The following RASA3 variants were observed in gnomAD, a reference collection of about 807,000 sequenced individuals.
The protein encoded by RASA3 is RAS p21 protein activator 3.
Under a neutral mutation model 110.0 loss-of-function variants are expected in RASA3, and 73 were observed. The observed-to-expected ratio is 0.66, with a 90% CI of 0.55 to 0.81. The LOEUF is 0.81. Ranked by LOEUF, RASA3 falls within the 30% of genes least tolerant of loss-of-function variation. The pLI is 0.00. For synonymous variants in RASA3, 500 were observed against 451.4 expected, an observed-to-expected ratio of 1.11 and a Z score of -1.37; for missense variants, 976 against 1,113.2, an observed-to-expected ratio of 0.88 and a Z score of 1.75.
In RASA3 at chr13:114,014,160, C is replaced by T. The variant is rs1458543447; in HGVS notation, c.1406-912G>A. Among the ~76,000 whole-genome samples the T allele has an allele frequency of 6.6e-6, 1 of 152,164 alleles. No individual in the cohort carries two copies. Among genetic ancestry groups the T allele is most frequent in the Admixed American group, 6.6e-5 (1 of 15,262 alleles). On this transcript the variant is annotated intron_variant, in intron 14 of 23. Transcript: ENST00000334062. This position sits in a 1 kb window ranked among gnomAD's most constrained non-coding sequence, Gnocchi z 4.5. ...TGTCTCTCTCCTTCTGTCTCTGCCTCTCTCTCCATCTCTCCCTGTTTCTCT... is the reference window on the plus strand; with the variant it reads ...TGTCTCTCTCCTTCTGTCTCTGCCTTTCTCTCCATCTCTCCCTGTTTCTCT...
intron 16 of RASA3, 23 bp from the exon 17 acceptor site, chr13:114,009,487 C>A: frequency 6.6e-7 from 1 of 1,526,578 alleles, no homozygotes. Flanking sequence ...GGAGATCACT[C>A]GAGGACAGCC....
intron 1 of RASA3, among the ~76,000 whole-genome samples, chr13:114,119,865 GC>G (rs1264883284): frequency 3.2e-5 from 2 of 63,018 alleles, no homozygotes; most frequent in Non-Finnish European, 3.4e-5. Flanking sequence ...GTCGATCAGG[GC>G]CCCTCCCTCT....
At chr13:114,103,155 A>G (rs2080081518) in intron 1 of RASA3, among the ~76,000 whole-genome samples, 1 of 152,176 alleles carries the variant, frequency 6.6e-6, no homozygotes, top group African/African-American at 2.4e-5. Context: ...AGCCAGGTGC[A>G]CTGGCTCTGT....
chr13:114,060,452 G>A (rs2079319472), intron 2 of RASA3, among the ~76,000 whole-genome samples: 1 of 152,218 alleles, frequency 6.6e-6, no homozygotes, highest in African/African-American at 2.4e-5. Context: ...GCCTCCACAG[G>A]TGGGGCTTTC....
intron 14 of RASA3, among the ~76,000 whole-genome samples, chr13:114,013,525 T>C (rs2053693209): frequency 7.3e-6 from 1 of 136,658 alleles, no homozygotes; most frequent in African/African-American, 2.8e-5. Context: ...CTCTCTCTCA[T>C]CTCTCTGTCT....
chr13:114,017,970 C>T lies in RASA3; in HGVS notation c.1091+134G>A, dbSNP rs554925691. On this transcript the variant is annotated intron_variant, in intron 11 of 23. Transcript: ENST00000334062. ...ATTAACTGGGTCTGTGAAAGAAAAC[C>T]TGAATCAACATGGTTTCTGGGGACC... is the stretch of plus-strand genomic sequence containing the variant. 254 of 1,075,752 alleles carry T rather than the reference C, an allele frequency of 2.4e-4. 4 individuals carry two copies. In the South Asian group the frequency reaches 5.1e-3, roughly 22 times the overall value. 66.6% of individuals were successfully genotyped at this position (1,075,752 alleles called of 1,614,324 possible). A position where few individuals can be genotyped will look rare whatever the true frequency, so the allele number is the denominator to read the frequency against.
chr13:114,115,334 C>T lies in RASA3; in HGVS notation c.55+17101G>A, dbSNP rs2080262763. ...ATAGATGAACACCCCACCTTGGTGACACAGAGGCTGGACAGTCACACCGAC... is the reference window on the plus strand; with the variant it reads ...ATAGATGAACACCCCACCTTGGTGATACAGAGGCTGGACAGTCACACCGAC... On this transcript the variant is annotated intron_variant, in intron 1 of 23. Transcript: ENST00000334062. The surrounding 1 kb of genome is among the most constrained non-coding windows in gnomAD (Gnocchi z 5.0). Among the ~76,000 whole-genome samples the T allele has an allele frequency of 1.3e-5, 2 of 152,200 alleles. No individual in the cohort carries two copies. Among genetic ancestry groups the T allele is most frequent in the Admixed American group, 6.5e-5 (1 of 15,282 alleles).
chr13:114,034,628 G>T (rs187921652), intron 4 of RASA3, among the ~76,000 whole-genome samples: 1 of 152,270 alleles, frequency 6.6e-6, no homozygotes, highest in African/African-American at 2.4e-5. Context: ...CCCCTGGAAG[G>T]CCCTTTCTCC....
chr13:114,042,607 C>T (rs558715985), intron 3 of RASA3, among the ~76,000 whole-genome samples: 9 of 152,356 alleles, frequency 5.9e-5, no homozygotes, highest in Admixed American at 1.3e-4. Context: ...CCTGGGCTCC[C>T]GGGAGCGGCC....
intron 3 of RASA3, among the ~76,000 whole-genome samples, chr13:114,051,274 C>T (rs914756331): frequency 7.2e-5 from 11 of 152,194 alleles, no homozygotes; most frequent in Admixed American, 3.3e-4. Context: ...ACTGGCTCCC[C>T]GGCCGCCCGT....
chr13:113,982,556 T>C (rs1343609334), intron 22 of RASA3, among the ~76,000 whole-genome samples: 1 of 152,242 alleles, frequency 6.6e-6, no homozygotes, highest in Non-Finnish European at 1.5e-5. Context: ...CTGTGCCACC[T>C]GAGTCCAAAC....
At chr13:113,992,619 A>G (rs2053145665) in intron 21 of RASA3, 31 bp from the exon 22 acceptor site, 1 of 1,494,426 alleles carries the variant, frequency 6.7e-7, no homozygotes, top group Non-Finnish European at 9.3e-7. Context: ...CAGAAAGATA[A>G]AAACACTTAT....
At position 113,996,588 on chromosome 13, in the gene RASA3, T is replaced by C. The variant is rs777279775; in HGVS notation, c.2084A>G (p.His695Arg). The C allele has an allele frequency of 5.6e-6, 9 of 1,613,434 alleles. No individual in the cohort carries two copies. The African/African-American group carries it at 9.3e-5, about 17-fold the overall frequency. The part of the protein sequence containing the change: ...VYHPSAYLSG[H>R]WLCCRAPSDS... ...GGATGGCGCCCTACAGCACAGCCAG[T>C]GGCCGCTCAGGTAGGCGGACGGGTG... Residue 695 changes from histidine to arginine, a missense_variant, in exon 21 of 24, where the codon CAC becomes CGC. By Grantham distance (29) the His-to-Arg change is conservative. Transcript: ENST00000334062.
intron 1 of RASA3, among the ~76,000 whole-genome samples, chr13:114,111,110 G>C (rs868571265): frequency 1.8e-4 from 7 of 38,708 alleles, no homozygotes; most frequent in Middle Eastern, 0.017. Flanking sequence ...GAGCCACAAA[G>C]AGCTGCAGGC....
rs774935805 is a variant in RASA3, at chr13:114,009,448, G to A, written c.1607C>T (p.Ser536Phe). The A allele has an allele frequency of 6.2e-7, 1 of 1,611,400 alleles. No homozygotes were observed. The highest frequency in any genetic ancestry group is 1.3e-5 in the African/African-American group (1 of 75,022). The change falls in exon 17 of 24, where the codon TCC becomes TTC. Residue 536 changes from serine (S) to phenylalanine (F), a missense_variant. Physicochemically the swap from Ser to Phe is radical, Grantham distance 155 (BLOSUM62 -2). Coordinates refer to ENST00000334062, the MANE Select transcript of RASA3 (RefSeq NM_007368.4). ...GAATTCATAAAATGTAGCCATGTAG[G>A]ACTCCTTAAAACTCGCCTAAAATGA... ...SKSKSASFKE[S>F]YMATFYEFFN...
At chr13:114,060,053 G>C (rs1012763694) in intron 2 of RASA3, among the ~76,000 whole-genome samples, 1 of 152,258 alleles carries the variant, frequency 6.6e-6, no homozygotes, top group Non-Finnish European at 1.5e-5. Flanking sequence ...AGGAGGACAA[G>C]GGAACGCATG....
In RASA3 at chr13:114,110,171, A is replaced by G. The variant is rs572862365; in HGVS notation, c.55+22264T>C. Among the ~76,000 whole-genome samples the G allele has an allele frequency of 2.3e-4, 35 of 152,324 alleles. 2 individuals are homozygous for G. The East Asian group carries it at 6.8e-3, about 29-fold the overall frequency. On this transcript the variant is annotated intron_variant, in intron 1 of 23. Coordinates refer to ENST00000334062, the MANE Select transcript of RASA3 (RefSeq NM_007368.4). ...AATCAACAGACACAGAAATGCTCAGAATAAAACAAAAAATCTAAGTCAGTG... is the reference window on the plus strand; with the variant it reads ...AATCAACAGACACAGAAATGCTCAGGATAAAACAAAAAATCTAAGTCAGTG...
Position 114,048,841 on chromosome 13 carries a change from G to A in RASA3, c.277+3211C>T, listed in dbSNP as rs1439786095. On this transcript the variant is annotated intron_variant, in intron 3 of 23. Coordinates refer to ENST00000334062, the MANE Select transcript of RASA3 (RefSeq NM_007368.4). This position sits in a 1 kb window ranked among gnomAD's most constrained non-coding sequence, Gnocchi z 4.3. ...ACACTTCTCCTGCTCCTGCTGTGGCGGGAGCTGACTGCAGCCGGTGGAGGT... is the reference window on the plus strand; with the variant it reads ...ACACTTCTCCTGCTCCTGCTGTGGCAGGAGCTGACTGCAGCCGGTGGAGGT... Among the ~76,000 whole-genome samples the A allele has an allele frequency of 3.3e-5, 5 of 152,176 alleles. No homozygotes were observed. The highest frequency in any genetic ancestry group is 5.9e-5 in the Non-Finnish European group (4 of 68,026).
chr13:114,038,535 C>T (rs1371065937), intron 4 of RASA3, among the ~76,000 whole-genome samples: 2 of 152,262 alleles, frequency 1.3e-5, no homozygotes, highest in Admixed American at 1.3e-4. Context: ...GGCTTCTTGG[C>T]TCCACTCCTT....
Sources: gnomAD v4.1 joint callset for allele counts (sites outside exome capture counted in the v4.1 genomes callset) on GRCh38, gnomAD v4.1.1 for gene constraint, Gnocchi (gnomAD v3.1) non-coding constraint, MANE v1.5 for transcripts, NCBI Gene and HGNC (gene_info 2026-07-23, HGNC 2026-07-21) for gene names.